Variants in RBMS3 observed in about 807,000 individuals in gnomAD.
The protein encoded by RBMS3 is RNA-binding motif, single-stranded-interacting protein 3.
Under a neutral mutation model 66.8 loss-of-function variants are expected in RBMS3, and 27 were observed. The observed-to-expected ratio is 0.40, with a 90% CI of 0.30 to 0.56. The LOEUF is 0.56. Ranked by LOEUF, RBMS3 falls within the 20% of genes least tolerant of loss-of-function variation. The pLI, the probability that RBMS3 is intolerant of heterozygous loss-of-function variation, is 0.40. For synonymous variants in RBMS3, 188 were observed against 183.0 expected, an observed-to-expected ratio of 1.03 and a Z score of -0.22; for missense variants, 513 against 549.5, an observed-to-expected ratio of 0.93 and a Z score of 0.66.
intron 3 of RBMS3, among the ~76,000 whole-genome samples, chr3:29,566,634 CAAAAAA>C (rs11445860): frequency 1.7e-5 from 2 of 119,910 alleles, no homozygotes; most frequent in Admixed American, 8.7e-5. Flanking sequence ...AAGCAAAATG[CAAAAAA>C]AAAAAAAAAA....
chr3:29,474,704 G>A (rs1382155157), intron 2 of RBMS3, among the ~76,000 whole-genome samples: 1 of 152,186 alleles, frequency 6.6e-6, no homozygotes, highest in Non-Finnish European at 1.5e-5. Flanking sequence ...GAGGCGTACT[G>A]GTCTAGAAGA....
chr3:29,283,674 T>G (rs1191250186), intron 1 of RBMS3, among the ~76,000 whole-genome samples: 1 of 152,174 alleles, frequency 6.6e-6, no homozygotes, highest in Admixed American at 6.5e-5. Flanking sequence ...TTAGATCCAT[T>G]AGGCGTCCTA....
intron 4 of RBMS3, among the ~76,000 whole-genome samples, chr3:29,706,238 T>TCATAATTA (rs2052885884): frequency 6.6e-6 from 1 of 152,238 alleles, no homozygotes; most frequent in Non-Finnish European, 1.5e-5. Flanking sequence ...GTCCTGACAT[T>TCATAATTA]CATAATTACT....
chr3:29,361,807 A>G (rs577495782), intron 1 of RBMS3, among the ~76,000 whole-genome samples: 18 of 152,160 alleles, frequency 1.2e-4, no homozygotes, highest in Middle Eastern at 3.4e-3. Flanking sequence ...TTGATCTTCC[A>G]TCACTGATAC....
chr3:29,627,292 CTCTCTCTG>C (rs1196536662), intron 4 of RBMS3, among the ~76,000 whole-genome samples: 2 of 148,452 alleles, frequency 1.3e-5, no homozygotes, highest in Non-Finnish European at 2.9e-5. Flanking sequence ...TCTCTTCTCT[CTCTCTCTG>C]TCTCTCTCTC....
chr3:29,863,677 A>C (rs2059273826), intron 6 of RBMS3, among the ~76,000 whole-genome samples: 1 of 152,174 alleles, frequency 6.6e-6, no homozygotes, highest in South Asian at 2.1e-4. Context: ...GAAAGCTAAG[A>C]AAATCTCACC....
At chr3:29,996,822 T>C (rs1301297024) in intron 14 of RBMS3, among the ~76,000 whole-genome samples, 1 of 151,986 alleles carries the variant, frequency 6.6e-6, no homozygotes, top group Non-Finnish European at 1.5e-5. Context: ...GCAGGAAAGA[T>C]CTAAAATTGA....
chr3:29,587,744 C>T (rs908203262), intron 4 of RBMS3, among the ~76,000 whole-genome samples: 4 of 151,634 alleles, frequency 2.6e-5, no homozygotes, highest in Non-Finnish European at 5.9e-5. Flanking sequence ...TGAAGTGTAC[C>T]GTGTCTGTAC....
chr3:29,496,420 G>A (rs948089465), intron 3 of RBMS3, among the ~76,000 whole-genome samples: 3 of 152,036 alleles, frequency 2.0e-5, no homozygotes, highest in African/African-American at 7.2e-5. Flanking sequence ...TTTCATTTCA[G>A]AAAAGGTTAG....
At chr3:29,395,342 A>G (rs1432911371) in intron 1 of RBMS3, among the ~76,000 whole-genome samples, 3 of 152,182 alleles carry the variant, frequency 2.0e-5, no homozygotes, top group African/African-American at 7.2e-5. Flanking sequence ...TGTTTTATGT[A>G]TGTATTTGTA....
At chr3:29,347,082 G>A (rs1405507931) in intron 1 of RBMS3, among the ~76,000 whole-genome samples, 2 of 152,180 alleles carry the variant, frequency 1.3e-5, no homozygotes, top group Non-Finnish European at 2.9e-5. Flanking sequence ...CACCAAGAAT[G>A]TTGGGAATTC....
At chr3:29,987,835 T>G (rs1472930041) in intron 12 of RBMS3, among the ~76,000 whole-genome samples, 2 of 152,132 alleles carry the variant, frequency 1.3e-5, no homozygotes, top group Non-Finnish European at 2.9e-5. Context: ...GAGTTTGTGT[T>G]TAGATGTGAA....
intron 4 of RBMS3, among the ~76,000 whole-genome samples, chr3:29,686,993 C>T (rs1418133597): frequency 1.3e-5 from 2 of 152,146 alleles, no homozygotes; most frequent in Non-Finnish European, 2.9e-5. Context: ...CTAGATGCTG[C>T]ACTCTACAAG....
At chr3:29,686,067 T>G (rs930698605) in intron 4 of RBMS3, among the ~76,000 whole-genome samples, 1 of 152,192 alleles carries the variant, frequency 6.6e-6, no homozygotes, top group Non-Finnish European at 1.5e-5. Flanking sequence ...ACTTTTGACC[T>G]TAGACAGGTG....
rs999331988 is a variant in RBMS3 at position 29,281,599 on chromosome 3, A to G, written c.-83A>G. On this transcript the variant is annotated 5_prime_UTR_variant, in exon 1 of 15. Transcript: ENST00000383767. The stretch of plus-strand genomic sequence containing the variant: ...TCATCAGTCACCGGGACTGTCAGGA[A>G]TAGTGGTTTAAGAGGAAGCTCGGCC... 5 of 1,086,474 alleles carry G rather than the reference A, an allele frequency of 4.6e-6. No homozygotes were observed. In the Admixed American group the frequency reaches 7.0e-5, roughly 15 times the overall value. The allele number at this position is 1,086,474 out of a possible 1,614,324, so 67.3% of individuals were successfully genotyped here.
At chr3:29,478,440 G>T (rs77844131) in intron 2 of RBMS3, among the ~76,000 whole-genome samples, 3 of 151,906 alleles carry the variant, frequency 2.0e-5, no homozygotes, top group Non-Finnish European at 2.9e-5. Context: ...TTCGTAAGGG[G>T]ACTAATCACA....
chr3:29,300,027 A>G (rs1301174251), intron 1 of RBMS3, among the ~76,000 whole-genome samples: 1 of 152,032 alleles, frequency 6.6e-6, no homozygotes, highest in African/African-American at 2.4e-5. Context: ...ACAAAAAAGC[A>G]TAAATGAAGA....
At chr3:29,861,442 C>CAAT (rs1352502311) in intron 6 of RBMS3, among the ~76,000 whole-genome samples, 47 of 152,216 alleles carry the variant, frequency 3.1e-4, no homozygotes, top group Admixed American at 2.9e-3. Context: ...AAACCATCAC[C>CAAT]ACAGTCCAAT....
Position 29,828,981 on chromosome 3 carries a change from T to A in RBMS3, c.638-39877T>A, listed in dbSNP as rs183355407. ...CCAGCCTGCTGTTAGCGAGTGACTTTCTTTCTTTCTTTCTTTCTTTCTTTC... is the reference window on the plus strand; with the variant it reads ...CCAGCCTGCTGTTAGCGAGTGACTTACTTTCTTTCTTTCTTTCTTTCTTTC... On this transcript the variant is annotated intron_variant, in intron 6 of 14. Transcript: ENST00000383767. Among the ~76,000 whole-genome samples, 100 of 10,580 alleles carry A rather than the reference T, an allele frequency of 9.5e-3. 1 individual carries two copies. The highest frequency in any genetic ancestry group is 0.091 in the Middle Eastern group (2 of 22). 6.9% of individuals were successfully genotyped at this position (10,580 alleles called of 152,430 possible). A position where few individuals can be genotyped will look rare whatever the true frequency, so the allele number is the denominator to read the frequency against.
Sources: gnomAD v4.1 joint callset for allele counts (sites outside exome capture counted in the v4.1 genomes callset) on GRCh38, gnomAD v4.1.1 for gene constraint, MANE v1.5 for transcripts, NCBI Gene and HGNC (gene_info 2026-07-23, HGNC 2026-07-21) for gene names.